Variants in HS6ST3 observed in about 807,000 individuals in gnomAD.
HS6ST3 encodes heparan sulfate 6-O-sulfotransferase 3, also known as heparan-sulfate 6-O-sulfotransferase 3.
HS6ST3 carries 12 observed loss-of-function variants against 36.7 expected under a neutral mutation model. The ratio of observed to expected loss-of-function variants is 0.33; its 90% CI spans 0.21 to 0.53. The LOEUF is 0.53. HS6ST3 is among the 20% of genes least tolerant of loss of function. The pLI is 0.95. For synonymous variants in HS6ST3, 240 were observed against 257.5 expected (o/e 0.93, Z 0.65); for missense variants, 584 against 640.9 (o/e 0.91, Z 0.96).
At chr13:96,648,488 T>A (rs1008284704) in intron 1 of HS6ST3, among the ~76,000 whole-genome samples, 1 of 151,508 alleles carries the variant, frequency 6.6e-6, no homozygotes, top group Non-Finnish European at 1.5e-5. Context: ...ACTTTCTTTT[T>A]TTTTTTTTTA....
intron 1 of HS6ST3, among the ~76,000 whole-genome samples, chr13:96,376,496 G>A (rs1361954829): frequency 6.6e-6 from 1 of 152,160 alleles, no homozygotes; most frequent in Non-Finnish European, 1.5e-5. Context: ...TAAGTGGATT[G>A]TAGTGTCTTG....
intron 1 of HS6ST3, among the ~76,000 whole-genome samples, chr13:96,590,333 A>G (rs1187481368): frequency 3.3e-5 from 5 of 152,094 alleles, no homozygotes; most frequent in Middle Eastern, 3.2e-3. Flanking sequence ...TTTTCTCTGT[A>G]TTCTCACCTA....
At chr13:96,512,099 T>C (rs952600972) in intron 1 of HS6ST3, among the ~76,000 whole-genome samples, 3 of 152,202 alleles carry the variant, frequency 2.0e-5, no homozygotes, top group African/African-American at 7.2e-5. Context: ...GATTATTTCT[T>C]TCTCTTGCCT....
At chr13:96,399,893 A>G (rs2055440707) in intron 1 of HS6ST3, among the ~76,000 whole-genome samples, 1 of 152,232 alleles carries the variant, frequency 6.6e-6, no homozygotes, top group African/African-American at 2.4e-5. Context: ...ACTCCTTGCT[A>G]TTGAAGTCTT....
chr13:96,769,997 C>T (rs1877222057), intron 1 of HS6ST3, among the ~76,000 whole-genome samples: 1 of 152,134 alleles, frequency 6.6e-6, no homozygotes, highest in South Asian at 2.1e-4. Context: ...TAGGTCAGTG[C>T]AATATTTCTT....
At chr13:96,312,548 G>C (rs1438143870) in intron 1 of HS6ST3, among the ~76,000 whole-genome samples, 1 of 151,946 alleles carries the variant, frequency 6.6e-6, no homozygotes, top group Admixed American at 6.5e-5. Flanking sequence ...AAAGAGCTCT[G>C]TTAAAAATCT....
intron 1 of HS6ST3, among the ~76,000 whole-genome samples, chr13:96,340,762 T>TGTA (rs750901138): frequency 2.0e-5 from 3 of 152,264 alleles, no homozygotes; most frequent in Non-Finnish European, 4.4e-5. Context: ...CTTAACATAC[T>TGTA]ATTCTATATA....
At chr13:96,695,292 G>A (rs1207370678) in intron 1 of HS6ST3, among the ~76,000 whole-genome samples, 1 of 152,150 alleles carries the variant, frequency 6.6e-6, no homozygotes, top group East Asian at 1.9e-4. Context: ...GTGATGGACA[G>A]TCTCCTTTGA....
chr13:96,253,941 A>G (rs1428667707), intron 1 of HS6ST3, among the ~76,000 whole-genome samples: 1 of 152,058 alleles, frequency 6.6e-6, no homozygotes. Flanking sequence ...TTTTTTCTTT[A>G]TTGTTTTAAT....
intron 1 of HS6ST3, among the ~76,000 whole-genome samples, chr13:96,417,354 C>T (rs1166085244): frequency 6.6e-6 from 1 of 152,074 alleles, no homozygotes; most frequent in Non-Finnish European, 1.5e-5. Context: ...TACTCTTCTT[C>T]ATAGCCAGCC....
At chr13:96,750,063 T>G (rs1876661367) in intron 1 of HS6ST3, among the ~76,000 whole-genome samples, 1 of 152,200 alleles carries the variant, frequency 6.6e-6, no homozygotes, top group Non-Finnish European at 1.5e-5. Flanking sequence ...GAACACACAT[T>G]TCCATTTATC....
chr13:96,260,226 T>C (rs915417660), intron 1 of HS6ST3, among the ~76,000 whole-genome samples: 2 of 144,846 alleles, frequency 1.4e-5, no homozygotes, highest in African/African-American at 5.1e-5. Context: ...GCATTTATTT[T>C]TTCCCTTCCT....
At chr13:96,145,022 C>T (rs1188500118) in intron 1 of HS6ST3, among the ~76,000 whole-genome samples, 8 of 150,302 alleles carry the variant, frequency 5.3e-5, no homozygotes, top group South Asian at 4.3e-4. Context: ...GTATATGTGC[C>T]ACATTTTCTT....
At chr13:96,713,263 C>T (rs573900984) in intron 1 of HS6ST3, among the ~76,000 whole-genome samples, 1 of 152,250 alleles carries the variant, frequency 6.6e-6, no homozygotes, top group Non-Finnish European at 1.5e-5. Flanking sequence ...CATTGATTGC[C>T]ATTGATCAAA....
chr13:96,656,412 G>T (rs911689702), intron 1 of HS6ST3, among the ~76,000 whole-genome samples: 1 of 152,104 alleles, frequency 6.6e-6, no homozygotes, highest in Non-Finnish European at 1.5e-5. Flanking sequence ...CAAATCAAAA[G>T]TTCAGATCTA....
intron 1 of HS6ST3, among the ~76,000 whole-genome samples, chr13:96,800,343 C>T (rs183892964): frequency 7.9e-5 from 12 of 150,966 alleles, no homozygotes; most frequent in Admixed American, 4.6e-4. Flanking sequence ...ATTTGTACAA[C>T]GATTAGAGAA....
intron 1 of HS6ST3, among the ~76,000 whole-genome samples, chr13:96,664,929 T>C (rs1332186623): frequency 1.3e-5 from 2 of 152,122 alleles, no homozygotes; most frequent in Non-Finnish European, 2.9e-5. Flanking sequence ...TCCAGAACTT[T>C]GGGAGGCCAA....
chr13:96,191,964 G>A (rs1349911866), intron 1 of HS6ST3, among the ~76,000 whole-genome samples: 2 of 152,150 alleles, frequency 1.3e-5, no homozygotes, highest in Non-Finnish European at 2.9e-5. Flanking sequence ...GAGAGCATAG[G>A]CAGCTTAGTG....
At chr13:96,351,335 T>TTTTTTTTTTTTTTTAA (rs1203595829) in intron 1 of HS6ST3, among the ~76,000 whole-genome samples, 2 of 146,366 alleles carry the variant, frequency 1.4e-5, no homozygotes, top group African/African-American at 5.2e-5. Flanking sequence ...TTTTTTTTTT[T>TTTTTTTTTTTTTTTAA]AAAAAAAACA....
Sources: allele counts gnomAD v4.1 joint callset (sites outside exome capture counted in the v4.1 genomes callset), GRCh38; gene constraint gnomAD v4.1.1; transcripts MANE v1.5; gene names NCBI Gene and HGNC (gene_info 2026-07-23, HGNC 2026-07-21).